The following SGCD variants were observed in gnomAD, a reference collection of about 807,000 sequenced individuals.
The protein encoded by SGCD is sarcoglycan delta.
In SGCD, 18 loss-of-function variants were observed where a neutral mutation model predicts 36.6. The ratio of observed to expected loss-of-function variants is 0.49; its 90% CI spans 0.34 to 0.73. The LOEUF (loss-of-function observed/expected upper bound fraction) is 0.73, where lower values mean the gene tolerates loss of function less well. SGCD is among the 30% of genes least tolerant of loss of function. The probability of loss-of-function intolerance (pLI) is 0.01; values close to 1 mark genes in which losing one functional copy is unlikely to be tolerated. For missense variants in SGCD, 387 were observed against 346.7 expected (o/e 1.12, Z -0.92); for synonymous variants, 133 against 130.6 (o/e 1.02, Z -0.12).
rs919339206 is a variant in SGCD at position 156,396,345 on chromosome 5, A to G, written c.192+51668A>G. Reference sequence around the variant, plus strand: ...AATATTTCGACTGCAATTGTGGAGCACATAAACTTGTCAGTGGAGTGATGA... The same window carrying G: ...AATATTTCGACTGCAATTGTGGAGCGCATAAACTTGTCAGTGGAGTGATGA... On this transcript the variant is annotated intron_variant, in intron 3 of 8. Transcript: ENST00000337851. 4.6e-5 allele frequency among the ~76,000 whole-genome samples: 7 copies of G among 152,252 alleles called. No homozygotes were observed. The South Asian group carries it at 1.4e-3, about 32-fold the overall frequency.
At chr5:156,741,490 AG>A (rs1192777767) in intron 7 of SGCD, among the ~76,000 whole-genome samples, 1 of 152,208 alleles carries the variant, frequency 6.6e-6, no homozygotes, top group Non-Finnish European at 1.5e-5. Context: ...GCTGAGCAGA[AG>A]TTTTAACTGA....
intron 6 of SGCD, among the ~76,000 whole-genome samples, chr5:156,609,042 A>C (rs1338455644): frequency 4.6e-4 from 68 of 147,796 alleles, no homozygotes; most frequent in African/African-American, 9.4e-4. Flanking sequence ...TAGCCCATTT[A>C]CATTTAAGGT....
intron 1 of SGCD, among the ~76,000 whole-genome samples, chr5:155,931,576 A>C (rs1757098018): frequency 6.6e-6 from 1 of 152,204 alleles, no homozygotes; most frequent in South Asian, 2.1e-4. Flanking sequence ...TAAATTAAGC[A>C]ATAGTTGTGT....
chr5:155,952,635 G>A (rs1430778277), intron 1 of SGCD, among the ~76,000 whole-genome samples: 3 of 152,110 alleles, frequency 2.0e-5, no homozygotes, highest in Non-Finnish European at 4.4e-5. Flanking sequence ...TTGCATCCTG[G>A]CGCTGTAATG....
chr5:156,548,975 G>T (rs1401774170), intron 4 of SGCD, among the ~76,000 whole-genome samples: 2 of 151,924 alleles, frequency 1.3e-5, no homozygotes, highest in Non-Finnish European at 2.9e-5. Context: ...GCTCCTTAAG[G>T]TTCTGTCAAC....
At chr5:156,644,269 G>A (rs1763147537) in intron 6 of SGCD, among the ~76,000 whole-genome samples, 1 of 151,970 alleles carries the variant, frequency 6.6e-6, no homozygotes. Flanking sequence ...TCCAATTTTT[G>A]TGTGTCACAT....
intron 7 of SGCD, among the ~76,000 whole-genome samples, chr5:156,726,881 T>A (rs1247790303): frequency 6.6e-6 from 1 of 152,218 alleles, no homozygotes; most frequent in East Asian, 1.9e-4. Flanking sequence ...ATGATTGTGG[T>A]CAAGTTACTT....
intron 4 of SGCD, among the ~76,000 whole-genome samples, chr5:156,532,506 G>A (rs1404774567): frequency 6.6e-6 from 1 of 152,130 alleles, no homozygotes; most frequent in Non-Finnish European, 1.5e-5. Flanking sequence ...TGTCACCCAG[G>A]CTGGAGTGCA....
intron 7 of SGCD, among the ~76,000 whole-genome samples, chr5:156,750,544 G>C (rs978456421): frequency 6.6e-6 from 1 of 151,930 alleles, no homozygotes; most frequent in African/African-American, 2.4e-5. Context: ...CAGGTGTGGT[G>C]GTGGGCACCT....
intron 1 of SGCD, among the ~76,000 whole-genome samples, chr5:155,976,853 G>T (rs1358203633): frequency 6.6e-6 from 1 of 152,022 alleles, no homozygotes; most frequent in Non-Finnish European, 1.5e-5. Context: ...ATCTCTCCAA[G>T]CCTGCAACCA....
intron 7 of SGCD, among the ~76,000 whole-genome samples, chr5:156,709,381 C>T (rs1025753511): frequency 1.3e-5 from 2 of 152,198 alleles, no homozygotes; most frequent in African/African-American, 4.8e-5. Context: ...TTGTTCACCT[C>T]CTCTCCATAC....
chr5:155,971,221 A>T (rs758425385), intron 1 of SGCD, among the ~76,000 whole-genome samples: 9 of 152,144 alleles, frequency 5.9e-5, no homozygotes, highest in Non-Finnish European at 1.3e-4. Context: ...GAGACTTGGA[A>T]GTGAGTGTTG....
intron 4 of SGCD, among the ~76,000 whole-genome samples, chr5:156,561,637 G>A (rs1179720343): frequency 6.6e-6 from 1 of 152,166 alleles, no homozygotes; most frequent in East Asian, 1.9e-4. Context: ...TAATGGTGTT[G>A]AATAGACTTA....
chr5:156,324,177 A>G (rs1347486501), upstream of SGCD, among the ~76,000 whole-genome samples: 2 of 152,222 alleles, frequency 1.3e-5, no homozygotes, highest in African/African-American at 2.4e-5. Context: ...CATTATTTAT[A>G]GGTTTGTTAA....
the SGCD span, among the ~76,000 whole-genome samples, chr5:155,744,843 A>G: frequency 5.3e-5 from 8 of 152,214 alleles, no homozygotes; most frequent in Admixed American, 4.6e-4. Context: ...GATAATGGCT[A>G]TTTTCTAAAA....
chr5:156,475,840 G>A (rs931637250), intron 3 of SGCD, among the ~76,000 whole-genome samples: 2 of 152,222 alleles, frequency 1.3e-5, no homozygotes, highest in African/African-American at 4.8e-5. Context: ...TGAAGCACTT[G>A]GAGGGGAAGG....
rs115031142 is a variant in SGCD at position 156,181,404 on chromosome 5, G to T, written c.-44+57385G>T. On this transcript the variant is annotated intron_variant, in intron 3 of 9. Transcript: ENST00000517913. The stretch of plus-strand genomic sequence containing the variant: ...ATACTAATTTTCAAACTGACCCATA[G>T]ATTTTTCAAATAAAAACAAATCTGA... 7.1e-3 allele frequency among the ~76,000 whole-genome samples: 1,082 copies of T among 152,218 alleles called. 13 individuals carry two copies. Among genetic ancestry groups the T allele is most frequent in the African/African-American group, 0.025 (1,022 of 41,542 alleles).
chr5:156,601,940 C>T (rs1258930417), intron 6 of SGCD, among the ~76,000 whole-genome samples: 1 of 152,156 alleles, frequency 6.6e-6, no homozygotes, highest in Non-Finnish European at 1.5e-5. Flanking sequence ...CTTGGCCTCC[C>T]AAAGTGCTGG....
intron 3 of SGCD, among the ~76,000 whole-genome samples, chr5:156,218,058 G>A (rs1383867169): frequency 6.6e-6 from 1 of 152,090 alleles, no homozygotes; most frequent in African/African-American, 2.4e-5. Flanking sequence ...CAGATCATTT[G>A]AGGTCAGGAG....
Sources: gnomAD v4.1 joint callset for allele counts (sites outside exome capture counted in the v4.1 genomes callset) on GRCh38, gnomAD v4.1.1 for gene constraint, MANE v1.5 for transcripts, NCBI Gene and HGNC (gene_info 2026-07-23, HGNC 2026-07-21) for gene names.